The following SLC35F3 variants were observed in gnomAD, a reference collection of about 807,000 sequenced individuals.
SLC35F3 encodes the protein solute carrier family 35 member F3.
In SLC35F3, 25 loss-of-function variants were observed where a neutral mutation model predicts 49.9. The observed-to-expected ratio is 0.50, with a 90% CI of 0.37 to 0.70. The LOEUF is 0.70. Ranked by LOEUF, SLC35F3 falls within the 30% of genes least tolerant of loss-of-function variation. SLC35F3 has a pLI of 0.00. For missense variants in SLC35F3, 525 were observed against 639.8 expected (o/e 0.82, Z 1.94); for synonymous variants, 275 against 265.4 (o/e 1.04, Z -0.35).
At chr1:234,166,719 A>C (rs1666325997) in intron 2 of SLC35F3, among the ~76,000 whole-genome samples, 1 of 152,228 alleles carries the variant, frequency 6.6e-6, no homozygotes, top group Admixed American at 6.5e-5. Context: ...GTCAGACAGA[A>C]TGCTGTGCGG....
chr1:234,261,018 G>A (rs966295472), intron 3 of SLC35F3, among the ~76,000 whole-genome samples: 9 of 152,282 alleles, frequency 5.9e-5, no homozygotes, highest in African/African-American at 2.2e-4. Flanking sequence ...TTTAAGGACC[G>A]AAATTCTTTT....
intron 2 of SLC35F3, among the ~76,000 whole-genome samples, chr1:233,935,547 T>C (rs941893502): frequency 2.0e-5 from 3 of 152,156 alleles, no homozygotes; most frequent in African/African-American, 7.2e-5. Context: ...TGACGGAGTT[T>C]GCTGTCCAGT....
intron 2 of SLC35F3, among the ~76,000 whole-genome samples, chr1:234,020,298 TC>T (rs1481120835): frequency 6.6e-6 from 1 of 152,250 alleles, no homozygotes; most frequent in Non-Finnish European, 1.5e-5. Context: ...TCTATAGTTC[TC>T]ATTTGTTTGC....
intron 3 of SLC35F3, among the ~76,000 whole-genome samples, chr1:234,303,321 C>T (rs1392240646): frequency 6.6e-6 from 1 of 152,220 alleles, no homozygotes; most frequent in African/African-American, 2.4e-5. Context: ...AAAAGCCTAT[C>T]ACTATTTTCC....
intron 3 of SLC35F3, among the ~76,000 whole-genome samples, chr1:234,288,787 G>C (rs1668462537): frequency 6.6e-6 from 1 of 152,216 alleles, no homozygotes; most frequent in East Asian, 1.9e-4. Flanking sequence ...TTGATAAATA[G>C]TGGAAGCAGG....
intron 2 of SLC35F3, among the ~76,000 whole-genome samples, chr1:234,052,869 T>G (rs1023592096): frequency 5.3e-5 from 8 of 152,322 alleles, no homozygotes; most frequent in South Asian, 2.1e-4. Flanking sequence ...AAGAACATCT[T>G]TATTTCTGCC....
chr1:234,177,482 C>G (rs1473922548), intron 2 of SLC35F3, among the ~76,000 whole-genome samples: 1 of 152,184 alleles, frequency 6.6e-6, no homozygotes, highest in African/African-American at 2.4e-5. Flanking sequence ...AGGGGGAAAA[C>G]AGCATGAAAA....
Position 234,323,091 on chromosome 1 carries a change from C to T in SLC35F3, c.1321C>T (p.Leu441=). ...CATCATCGGCCTGGGTTTTCTCCTC[C>T]TGCTCCTGCCAGAGGAGTGGGATGT... is the stretch of plus-strand genomic sequence containing the variant. ...IIIIGLGFLL[L]LLPEEWDVWL... Residue 441 remains leucine (L), a synonymous_variant, in exon 8 of 8, where the codon CTG becomes TTG. Coordinates refer to ENST00000366618, the MANE Select transcript of SLC35F3 (RefSeq NM_173508.4). The surrounding 1 kb of genome is among the most constrained non-coding windows in gnomAD (Gnocchi z 4.5). 6.2e-7 allele frequency: 1 copy of T among 1,614,176 alleles called. No homozygotes were observed. The highest frequency in any genetic ancestry group is 8.5e-7 in the Non-Finnish European group (1 of 1,180,028).
chr1:234,323,285 A>T lies in SLC35F3; in HGVS notation c.*42A>T. On this transcript the variant is annotated 3_prime_UTR_variant, in exon 8 of 8. Transcript: ENST00000366618. The surrounding 1 kb of genome is among the most constrained non-coding windows in gnomAD (Gnocchi z 4.5). ...CTCGGTGGTAATGACTGGGAGGTCT[A>T]TTCCTGCCGGGAGGAACCTCAGTTG... 1.3e-6 allele frequency: 2 copies of T among 1,567,650 alleles called. No homozygotes were observed. Among genetic ancestry groups the T allele is most frequent in the Non-Finnish European group, 8.7e-7 (1 of 1,150,112 alleles).
intron 2 of SLC35F3, among the ~76,000 whole-genome samples, chr1:234,106,896 T>C (rs553867909): frequency 4.1e-4 from 62 of 152,290 alleles, no homozygotes; most frequent in African/African-American, 1.3e-3. Context: ...ACAATAAGGA[T>C]CCACCAAACC....
At chr1:234,152,224 A>G (rs139837899) in intron 2 of SLC35F3, among the ~76,000 whole-genome samples, 1,756 of 126,536 alleles carry the variant, frequency 0.014, 10 homozygotes, top group Middle Eastern at 0.061. Flanking sequence ...TATTATTATT[A>G]TTGTTATTAT....
intron 3 of SLC35F3, among the ~76,000 whole-genome samples, chr1:234,291,303 G>T (rs1447672218): frequency 1.3e-5 from 2 of 152,208 alleles, no homozygotes; most frequent in South Asian, 2.1e-4. Flanking sequence ...AGGAAGTCTG[G>T]GTTGGGGCTT....
intron 2 of SLC35F3, among the ~76,000 whole-genome samples, chr1:234,058,138 G>A (rs150883790): frequency 4.6e-5 from 7 of 151,686 alleles, no homozygotes; most frequent in South Asian, 2.1e-4. Context: ...TTTGTTGAGC[G>A]CTTTAATATG....
In SLC35F3 at chr1:234,320,850, G is replaced by A. The variant is rs1309609439; in HGVS notation, c.1237+663G>A. 6.6e-6 allele frequency among the ~76,000 whole-genome samples: 1 copy of A among 151,960 alleles called. No individual in the cohort carries two copies. Among genetic ancestry groups the A allele is most frequent in the Non-Finnish European group, 1.5e-5 (1 of 67,990 alleles). On this transcript the variant is annotated intron_variant, in intron 7 of 7. Transcript: ENST00000366618. The surrounding 1 kb of genome is among the most constrained non-coding windows in gnomAD (Gnocchi z 4.8). ...CTGCCTTCCTTTTCCTGGCTCGCAC[G>A]GATAGGAATTTTGGATTTTCTTCCC...
intron 3 of SLC35F3, among the ~76,000 whole-genome samples, chr1:234,276,426 G>A (rs890365689): frequency 9.2e-5 from 14 of 152,162 alleles, no homozygotes; most frequent in African/African-American, 3.4e-4. Flanking sequence ...GCAGTGCTGG[G>A]CAGCTCAGTG....
chr1:234,107,348 CAG>C (rs1665299810), intron 2 of SLC35F3, among the ~76,000 whole-genome samples: 1 of 152,212 alleles, frequency 6.6e-6, no homozygotes, highest in Admixed American at 6.5e-5. Flanking sequence ...AATCCCATAA[CAG>C]GGGAGTGAAG....
At chr1:233,920,293 T>C (rs1283576907) in intron 2 of SLC35F3, among the ~76,000 whole-genome samples, 1 of 152,172 alleles carries the variant, frequency 6.6e-6, no homozygotes, top group African/African-American at 2.4e-5. Flanking sequence ...GAGCAATTGA[T>C]TGGTTTCAGA....
chr1:234,195,110 G>A (rs10910376), intron 2 of SLC35F3, among the ~76,000 whole-genome samples: 65,493 of 152,106 alleles, frequency 0.43, 17,299 homozygotes, highest in Non-Finnish European at 0.6. Context: ...TTGCACCCGG[G>A]AAGCAAATCA....
chr1:234,301,200 C>T (rs1282960183), intron 3 of SLC35F3, among the ~76,000 whole-genome samples: 1 of 152,104 alleles, frequency 6.6e-6, no homozygotes, highest in African/African-American at 2.4e-5. Flanking sequence ...GATGACATTG[C>T]TCAGTGACTA....
Sources: gnomAD v4.1 joint callset for allele counts (sites outside exome capture counted in the v4.1 genomes callset) on GRCh38, gnomAD v4.1.1 for gene constraint, Gnocchi (gnomAD v3.1) non-coding constraint, MANE v1.5 for transcripts, NCBI Gene and HGNC (gene_info 2026-07-23, HGNC 2026-07-21) for gene names.